Variants in SLC23A2 observed in about 807,000 individuals in gnomAD.
The protein encoded by SLC23A2 is solute carrier family 23 member 2, also known as Na(+)/L-ascorbic acid transporter 2.
A neutral mutation model predicts 73.3 loss-of-function variants in SLC23A2; 36 were observed. That is an observed-to-expected ratio of 0.49 (90% CI 0.38 to 0.65). The LOEUF is 0.65. SLC23A2 is among the 30% of genes least tolerant of loss of function. The pLI, the probability that SLC23A2 is intolerant of heterozygous loss-of-function variation, is 0.00. For synonymous variants in SLC23A2, 343 were observed against 327.3 expected, an observed-to-expected ratio of 1.05 and a Z score of -0.52; for missense variants, 507 against 841.6, an observed-to-expected ratio of 0.60 and a Z score of 4.92.
intron 2 of SLC23A2, among the ~76,000 whole-genome samples, chr20:4,950,946 A>G (rs1715395): frequency 0.18 from 26,676 of 152,132 alleles, 4,316 homozygotes; most frequent in African/African-American, 0.43. Context: ...CAGAAGTGAC[A>G]CCTTAGCAGA....
rs780995830 is a variant in SLC23A2, at chr20:4,862,767, G to A, written c.1486+11C>T. On this transcript the variant is annotated intron_variant, in intron 14 of 16. Coordinates refer to ENST00000338244, the MANE Select transcript of SLC23A2 (RefSeq NM_005116.6). This position sits in a 1 kb window ranked among gnomAD's most constrained non-coding sequence, Gnocchi z 5.1. ...AAAAGTAAAGGAAAAAGCCAGAGAG[G>A]GGAGTCTTACCAAAGAGCGTGCAGA... 5 of 1,605,266 alleles carry A rather than the reference G, an allele frequency of 3.1e-6. No individual in the cohort carries two copies. Among genetic ancestry groups the A allele is most frequent in the African/African-American group, 1.3e-5 (1 of 74,740 alleles).
chr20:4,914,110 T>C, intron 3 of SLC23A2, among the ~76,000 whole-genome samples: 1 of 151,608 alleles, frequency 6.6e-6, no homozygotes, highest in South Asian at 2.1e-4. Flanking sequence ...AATTCTGGCA[T>C]TGTGAAATAC....
At position 4,867,856 on chromosome 20, in the gene SLC23A2, G is replaced by A. The variant is rs749822810; in HGVS notation, c.1270C>T (p.Leu424Phe). 4 of 1,605,664 alleles carry A rather than the reference G, an allele frequency of 2.5e-6. No homozygotes were observed. The highest frequency in any genetic ancestry group is 3.4e-6 in the Non-Finnish European group (4 of 1,172,588). Residue 424 changes from leucine (L) to phenylalanine (F), a missense_variant, in exon 13 of 17, where the codon CTC (leucine) becomes TTC (phenylalanine). Around this residue, in one of 5 missense-constraint regions of SLC23A2, gnomAD observed 168 missense variants for 302.3 expected, o/e 0.56. Transcript: ENST00000338244. ...AINRGIFVEG[L>F]SCVLDGIFGT... is the part of the protein sequence containing the mutation. ...AATATGCCATCAAGAACACAGGAGA[G>A]GCCTTCCACGAAAATTCCCCTAAGA... is the stretch of plus-strand genomic sequence containing the variant.
chr20:4,906,057 G>T (rs1008119283), intron 4 of SLC23A2, among the ~76,000 whole-genome samples: 1 of 152,118 alleles, frequency 6.6e-6, no homozygotes, highest in Non-Finnish European at 1.5e-5. Context: ...ATCAGTTTTG[G>T]CCAGGCATGG....
chr20:4,899,406 T>G lies in SLC23A2; in HGVS notation c.482+149A>C. ...GAGAGGAAATGACTGGGAGGAACAC[T>G]GAGGGGTGGGGACCAACGGCCACTA... On this transcript the variant is annotated intron_variant, in intron 6 of 16. Coordinates refer to ENST00000338244, the MANE Select transcript of SLC23A2 (RefSeq NM_005116.6). This position sits in a 1 kb window ranked among gnomAD's most constrained non-coding sequence, Gnocchi z 4.9. The G allele has an allele frequency of 2.4e-6, 2 of 821,842 alleles. No homozygotes were observed. Among genetic ancestry groups the G allele is most frequent in the Non-Finnish European group, 4.0e-6 (2 of 497,390 alleles). 50.9% of individuals were successfully genotyped at this position (821,842 alleles called of 1,614,324 possible). A position where few individuals can be genotyped will look rare whatever the true frequency, so the allele number is the denominator to read the frequency against.
At chr20:4,887,697 C>A (rs1188642519) in intron 6 of SLC23A2, among the ~76,000 whole-genome samples, 1 of 152,114 alleles carries the variant, frequency 6.6e-6, no homozygotes, top group Admixed American at 6.5e-5. Flanking sequence ...CCTGAGTTCC[C>A]CTGAAATAGA....
chr20:4,949,367 A>C (rs1019195106), intron 2 of SLC23A2, among the ~76,000 whole-genome samples: 2 of 152,032 alleles, frequency 1.3e-5, no homozygotes, highest in Non-Finnish European at 2.9e-5. Flanking sequence ...TGGACTCTGA[A>C]AATAAGTAAT....
chr20:4,895,279 C>T (rs563409322), intron 6 of SLC23A2, among the ~76,000 whole-genome samples: 3 of 152,204 alleles, frequency 2.0e-5, no homozygotes, highest in Middle Eastern at 3.2e-3. Flanking sequence ...GCCATCCTTC[C>T]GGCAGTGCTG....
At chr20:4,859,427 C>CA (rs1568599269) in intron 15 of SLC23A2, 43 bp from the exon 16 acceptor site, 1 of 1,323,334 alleles carries the variant, frequency 7.6e-7, no homozygotes, top group East Asian at 2.3e-5. Context: ...GCCACAGCAG[C>CA]GGTGAGCCTG....
intron 1 of SLC23A2, among the ~76,000 whole-genome samples, chr20:4,986,479 A>G (rs559554880): frequency 3.3e-5 from 5 of 152,040 alleles, no homozygotes; most frequent in Admixed American, 3.3e-4. Context: ...ATGTCCGACT[A>G]ATTTTTGTAT....
chr20:4,869,682 C>A, intron 12 of SLC23A2: 1 of 482,358 alleles, frequency 2.1e-6, no homozygotes, highest in Non-Finnish European at 3.7e-6. Flanking sequence ...GTAGGAATTC[C>A]GTTCCACGTC....
chr20:4,870,172 G>A, intron 11 of SLC23A2, 119 bp from the exon 12 acceptor site: 2 of 843,838 alleles, frequency 2.4e-6, no homozygotes, highest in South Asian at 3.9e-5. Flanking sequence ...GGATTCTGAA[G>A]CTCATGGAAA....
chr20:4,988,867 C>A (rs990356900), intron 1 of SLC23A2, among the ~76,000 whole-genome samples: 3 of 151,638 alleles, frequency 2.0e-5, no homozygotes, highest in Admixed American at 6.6e-5. Context: ...GCCAAGATTG[C>A]GCCATTGCAC....
chr20:4,899,686 C>A lies in SLC23A2; in HGVS notation c.351G>T (p.Thr117=). The A allele has an allele frequency of 6.2e-7, 1 of 1,614,102 alleles. No homozygotes were observed. The highest frequency in any genetic ancestry group is 8.5e-7 in the Non-Finnish European group (1 of 1,180,000). ...LQHYLTCFSG[T]IAVPFLLADA... Reference sequence around the variant, plus strand: ...CGGCCAACAGGAAGGGCACTGCGATCGTGCCGCTGAAGCATGTCAGGTAGT... The same window carrying A: ...CGGCCAACAGGAAGGGCACTGCGATAGTGCCGCTGAAGCATGTCAGGTAGT... Residue 117 remains threonine, a synonymous_variant, in exon 6 of 17, where the codon ACG becomes ACT. Transcript: ENST00000338244. The surrounding 1 kb of genome is among the most constrained non-coding windows in gnomAD (Gnocchi z 4.9).
At chr20:4,987,462 T>C (rs147401838) in intron 1 of SLC23A2, among the ~76,000 whole-genome samples, 283 of 152,184 alleles carry the variant, frequency 1.9e-3, no homozygotes, top group African/African-American at 6.6e-3. Context: ...GAAACAAAAA[T>C]TTAGAGAATT....
In SLC23A2 at chr20:4,857,244, T is replaced by C; in HGVS notation, c.1721-40A>G. 1 of 1,172,412 alleles carries C rather than the reference T, an allele frequency of 8.5e-7. No homozygotes were observed. Among genetic ancestry groups the C allele is most frequent in the Non-Finnish European group, 1.2e-6 (1 of 811,762 alleles). 72.6% of individuals were successfully genotyped at this position (1,172,412 alleles called of 1,614,324 possible). A position where few individuals can be genotyped will look rare whatever the true frequency, so the allele number is the denominator to read the frequency against. On this transcript the variant is annotated intron_variant, in intron 16 of 16. Transcript: ENST00000338244. The surrounding 1 kb of genome is among the most constrained non-coding windows in gnomAD (Gnocchi z 4.0). ...AAGATAGAACAAAGGAATGCTTCGT[T>C]TAGCAGCTCTACTGAAAATGAAACT...
chr20:4,870,662 G>T (rs943179766), intron 11 of SLC23A2, among the ~76,000 whole-genome samples: 1 of 152,146 alleles, frequency 6.6e-6, no homozygotes, highest in African/African-American at 2.4e-5. Context: ...GCCACACTCA[G>T]TATCCACTAA....
intron 9 of SLC23A2, among the ~76,000 whole-genome samples, chr20:4,879,561 G>A (rs1441263887): frequency 6.6e-6 from 1 of 151,840 alleles, no homozygotes. Context: ...CTACCCTGTA[G>A]TCCCAGGTAC....
chr20:4,862,120 AC>A lies in SLC23A2; in HGVS notation c.1487-36del. ...AACAAACCAGACCACAAGCTCCAGC[AC>A]CACTACAGCGGGGACAGCTCAAGGC... On this transcript the variant is annotated intron_variant, in intron 14 of 16. Transcript: ENST00000338244. The surrounding 1 kb of genome is among the most constrained non-coding windows in gnomAD (Gnocchi z 5.1). 1 of 1,611,844 alleles carries A rather than the reference AC, an allele frequency of 6.2e-7. No homozygotes were observed. Among genetic ancestry groups the A allele is most frequent in the East Asian group, 2.2e-5 (1 of 44,868 alleles).
Sources: gnomAD v4.1 joint callset for allele counts (sites outside exome capture counted in the v4.1 genomes callset) on GRCh38, gnomAD v4.1.1 for gene constraint, gnomAD v4.1.1 regional missense constraint, Gnocchi (gnomAD v3.1) non-coding constraint, MANE v1.5 for transcripts, NCBI Gene and HGNC (gene_info 2026-07-23, HGNC 2026-07-21) for gene names.